Variants in MTHFD1L observed in about 807,000 individuals in gnomAD.
The protein encoded by MTHFD1L is methylenetetrahydrofolate dehydrogenase (NADP+ dependent) 1 like.
In MTHFD1L, 81 loss-of-function variants were observed where a neutral mutation model predicts 119.5. The ratio of observed to expected loss-of-function variants is 0.68; its 90% CI spans 0.57 to 0.82. MTHFD1L has a LOEUF of 0.82. Among genes scored for constraint, MTHFD1L ranks in the 40% least tolerant of loss-of-function variants. The pLI is 0.00. For synonymous variants in MTHFD1L, 430 were observed against 475.2 expected (o/e 0.90, Z 1.24); for missense variants, 1,125 against 1,253.4 (o/e 0.90, Z 1.55).
intron 26 of MTHFD1L, among the ~76,000 whole-genome samples, chr6:151,080,326 G>A (rs967284495): frequency 6.6e-6 from 1 of 152,152 alleles, no homozygotes; most frequent in Non-Finnish European, 1.5e-5. Context: ...ACTTATACTT[G>A]TGGCATAATC....
intron 18 of MTHFD1L, 134 bp from the exon 19 acceptor site, chr6:150,964,835 G>A: frequency 2.9e-6 from 2 of 683,446 alleles, no homozygotes; most frequent in Non-Finnish European, 5.2e-6. Flanking sequence ...AGAGACAGCA[G>A]CACTGTCCCC....
rs534253040 is a variant in MTHFD1L at position 150,893,797 on chromosome 6, A to G, written c.780+5816A>G. 5.9e-5 allele frequency among the ~76,000 whole-genome samples: 9 copies of G among 152,304 alleles called. No individual in the cohort carries two copies. The East Asian group carries it at 9.6e-4, about 16-fold the overall frequency. On this transcript the variant is annotated intron_variant, in intron 7 of 27. Coordinates refer to ENST00000367321, the MANE Select transcript of MTHFD1L (RefSeq NM_015440.5). ...TTGAAGGTTTCCAGTCCGGCACAAC[A>G]TTTGTGTTCTCATTAAACAGTAGAG...
intron 26 of MTHFD1L, chr6:151,042,165 T>C (rs1787232313): frequency 5.3e-6 from 1 of 187,210 alleles, no homozygotes; most frequent in Non-Finnish European, 1.1e-5. Flanking sequence ...ACCTTTGAGG[T>C]CATTCTTACA....
intron 3 of MTHFD1L, 32 bp downstream of exon 3, chr6:150,877,716 T>C (rs770302919): frequency 2.0e-5 from 32 of 1,614,096 alleles, no homozygotes; most frequent in African/African-American, 1.3e-4. Flanking sequence ...AAATTCACTA[T>C]AACTTTTAAC....
intron 19 of MTHFD1L, among the ~76,000 whole-genome samples, chr6:150,967,743 C>CT (rs1208081506): frequency 1.3e-5 from 2 of 152,124 alleles, no homozygotes; most frequent in African/African-American, 2.4e-5. Context: ...CAATGCCTCC[C>CT]TCCTTCCTGC....
At chr6:151,009,410 A>G (rs1781901020) in intron 20 of MTHFD1L, among the ~76,000 whole-genome samples, 1 of 151,308 alleles carries the variant, frequency 6.6e-6, no homozygotes, top group South Asian at 2.1e-4. Flanking sequence ...TGTGGTGGCA[A>G]ACACCTGTAG....
intron 26 of MTHFD1L, among the ~76,000 whole-genome samples, chr6:151,044,044 G>A: frequency 6.6e-6 from 1 of 151,904 alleles, no homozygotes; most frequent in African/African-American, 2.4e-5. Flanking sequence ...GCATTTAGAT[G>A]GTAGTCAGTG....
At chr6:150,888,216 C>T (rs531993568) in intron 7 of MTHFD1L, among the ~76,000 whole-genome samples, 16 of 152,318 alleles carry the variant, frequency 1.1e-4, no homozygotes, top group South Asian at 4.1e-4. Flanking sequence ...CTAATACAAT[C>T]CTTTTCTCCA....
At chr6:150,866,563 C>A in intron 1 of MTHFD1L, 2 of 1,231,684 alleles carry the variant, frequency 1.6e-6, no homozygotes, top group Non-Finnish European at 2.0e-6. Flanking sequence ...TGTTGTGCGC[C>A]CTTCCCCGCG....
At chr6:151,026,272 C>T (rs753909065) in intron 24 of MTHFD1L, among the ~76,000 whole-genome samples, 3 of 152,196 alleles carry the variant, frequency 2.0e-5, no homozygotes, top group Non-Finnish European at 2.9e-5. Flanking sequence ...ACTATTTCTT[C>T]GTGGAGTCAT....
intron 26 of MTHFD1L, among the ~76,000 whole-genome samples, chr6:151,055,223 G>A (rs888479929): frequency 2.6e-5 from 4 of 151,912 alleles, no homozygotes; most frequent in African/African-American, 9.7e-5. Context: ...CCTAGTTCGC[G>A]CCACTGGACT....
intron 1 of MTHFD1L, among the ~76,000 whole-genome samples, chr6:150,868,761 C>A (rs569745937): frequency 3.9e-4 from 60 of 152,146 alleles, no homozygotes; most frequent in African/African-American, 1.4e-3. Context: ...ACATTTATAA[C>A]AAGAGAAAAG....
chr6:151,053,910 T>G (rs1003824207), intron 26 of MTHFD1L, among the ~76,000 whole-genome samples: 2 of 152,216 alleles, frequency 1.3e-5, no homozygotes, highest in African/African-American at 4.8e-5. Flanking sequence ...GTACAGTTTT[T>G]TATTATTTAT....
At chr6:150,933,491 G>A (rs1791518629) in intron 11 of MTHFD1L, among the ~76,000 whole-genome samples, 1 of 151,962 alleles carries the variant, frequency 6.6e-6, no homozygotes, top group African/African-American at 2.4e-5. Context: ...TCTTCACGTT[G>A]ACCCCACTGC....
chr6:151,035,931 C>T (rs1278912916), intron 25 of MTHFD1L, among the ~76,000 whole-genome samples: 6 of 152,114 alleles, frequency 3.9e-5, no homozygotes, highest in African/African-American at 1.4e-4. Context: ...TTCTGAAAGA[C>T]AGTTGTGATT....
chr6:151,099,669 AT>A, intron 27 of MTHFD1L: 1 of 1,607,156 alleles, frequency 6.2e-7, no homozygotes. Context: ...TTCGTAGAAG[AT>A]TCAGGGTCCA....
chr6:150,873,437 G>GA (rs907484318), intron 1 of MTHFD1L, among the ~76,000 whole-genome samples: 5 of 151,980 alleles, frequency 3.3e-5, no homozygotes, highest in East Asian at 3.9e-4. Flanking sequence ...TTGGGGCACA[G>GA]AAAAAAACAA....
intron 27 of MTHFD1L, among the ~76,000 whole-genome samples, chr6:151,098,471 C>CTG (rs1795079811): frequency 6.6e-6 from 1 of 152,270 alleles, no homozygotes; most frequent in South Asian, 2.1e-4. Flanking sequence ...CCGAGGAGTG[C>CTG]TGTGTGCCTT....
At chr6:150,920,971 G>C (rs1201165505) in intron 9 of MTHFD1L, among the ~76,000 whole-genome samples, 1 of 80,618 alleles carries the variant, frequency 1.2e-5, no homozygotes, top group Admixed American at 1.7e-4. Context: ...TTTTTTTTGA[G>C]ACAGAGTTTA....
Sources: gnomAD v4.1 joint callset for allele counts (sites outside exome capture counted in the v4.1 genomes callset) on GRCh38, gnomAD v4.1.1 for gene constraint, MANE v1.5 for transcripts, NCBI Gene and HGNC (gene_info 2026-07-23, HGNC 2026-07-21) for gene names.